Variants in SLC14A2 observed in about 807,000 individuals in gnomAD.
SLC14A2 encodes solute carrier family 14 member 2.
Under a neutral mutation model 104.6 loss-of-function variants are expected in SLC14A2, and 91 were observed. The ratio of observed to expected loss-of-function variants is 0.87; its 90% CI spans 0.73 to 1.04. The LOEUF (loss-of-function observed/expected upper bound fraction) is 1.04. SLC14A2 is among the 50% of genes least tolerant of loss of function. SLC14A2 has a pLI of 0.00. For missense variants in SLC14A2, 1,189 were observed against 1,156.0 expected (o/e 1.03, Z -0.41); for synonymous variants, 476 against 466.4 (o/e 1.02, Z -0.27).
the SLC14A2 span, among the ~76,000 whole-genome samples, chr18:45,183,163 C>A: frequency 6.6e-6 from 1 of 152,136 alleles, no homozygotes. Flanking sequence ...CCCACTGAAC[C>A]AGATTGAGAG....
intron 10 of SLC14A2, among the ~76,000 whole-genome samples, chr18:45,662,858 G>A (rs2045956020): frequency 6.6e-6 from 1 of 152,162 alleles, no homozygotes. Flanking sequence ...AGGATCACCA[G>A]ATTTTCCAAT....
chr18:45,519,699 A>G (rs1417274678), intron 2 of SLC14A2, among the ~76,000 whole-genome samples: 2 of 152,224 alleles, frequency 1.3e-5, no homozygotes, highest in East Asian at 1.9e-4. Flanking sequence ...AAAGGGGCTA[A>G]GCCAAAGATC....
At position 45,414,758 on chromosome 18, in the gene SLC14A2, ATATATATATATATAT is replaced by A. The variant is rs1220905455; in HGVS notation, c.-124-68474_-124-68460del. 3.7e-3 allele frequency among the ~76,000 whole-genome samples: 183 copies of A among 50,080 alleles called. 12 individuals are homozygous for A. The East Asian group carries it at 0.059, about 16-fold the overall frequency. The allele number at this position is 50,080 out of a possible 152,430, so 32.9% of individuals were successfully genotyped here. ...GGCACCGAGCGTAAAAAAAAAAAAA[ATATATATATATATAT>A]ATATATATATATATATATATATAGA... On this transcript the variant is annotated intron_variant, in intron 1 of 20. Coordinates refer to the SLC14A2 transcript ENST00000586448.
At chr18:45,363,164 C>T (rs774254464) in intron 1 of SLC14A2, among the ~76,000 whole-genome samples, 32 of 152,088 alleles carry the variant, frequency 2.1e-4, no homozygotes, top group Non-Finnish European at 3.7e-4. Flanking sequence ...TTGAATAGTC[C>T]CTTTTTATCG....
At chr18:45,618,289 T>C (rs903287096) in intron 1 of SLC14A2, among the ~76,000 whole-genome samples, 1 of 152,212 alleles carries the variant, frequency 6.6e-6, no homozygotes, top group African/African-American at 2.4e-5. Flanking sequence ...AGGCAAAATA[T>C]ATCAATCCAA....
intron 10 of SLC14A2, among the ~76,000 whole-genome samples, chr18:45,654,323 TAGG>T (rs1276651422): frequency 6.6e-6 from 1 of 152,070 alleles, no homozygotes; most frequent in African/African-American, 2.4e-5. Flanking sequence ...GGTTGGTGTT[TAGG>T]AGAAGTCACA....
intron 10 of SLC14A2, chr18:45,646,321 C>T (rs1355889666): frequency 2.0e-5 from 3 of 152,008 alleles, no homozygotes; most frequent in East Asian, 1.9e-4. Flanking sequence ...TCAGGTGGTC[C>T]GATCCCATGA....
Position 45,625,689 on chromosome 18 carries a change from C to A in SLC14A2, c.157C>A (p.Arg53=), listed in dbSNP as rs200534486. The change falls in exon 3 of 20, where the codon CGG becomes AGG. Residue 53 remains arginine, a synonymous_variant. Coordinates refer to ENST00000255226, the MANE Select transcript of SLC14A2 (RefSeq NM_007163.4). The stretch of plus-strand genomic sequence containing the variant: ...GGTTGGTTTCTCCTAAAAGGATCTC[C>A]GGTCTTCCAATGAAGACAGTCACAT... The part of the protein sequence containing the change: ...LLEMPEEKDL[R]SSNEDSHIVK... The A allele has an allele frequency of 1.3e-6, 2 of 1,545,792 alleles. No homozygotes were observed. The highest frequency in any genetic ancestry group is 1.4e-5 in the African/African-American group (1 of 70,712).
At chr18:45,675,500 T>TG (rs1482590701) in intron 18 of SLC14A2, among the ~76,000 whole-genome samples, 1 of 151,444 alleles carries the variant, frequency 6.6e-6, no homozygotes, top group Non-Finnish European at 1.5e-5. Flanking sequence ...AAGTGGAGTT[T>TG]GGGGGGCGTT....
chr18:45,658,315 T>C (rs1413535824), intron 10 of SLC14A2, among the ~76,000 whole-genome samples: 1 of 152,082 alleles, frequency 6.6e-6, no homozygotes, highest in African/African-American at 2.4e-5. Context: ...GTGTGGTAGC[T>C]CACGCCTGTA....
chr18:45,592,975 T>C (rs1261228918), intron 2 of SLC14A2, among the ~76,000 whole-genome samples: 1 of 152,172 alleles, frequency 6.6e-6, no homozygotes, highest in Non-Finnish European at 1.5e-5. Context: ...GAATCTGCGT[T>C]GTCAAACAAC....
intron 1 of SLC14A2, among the ~76,000 whole-genome samples, chr18:45,260,926 C>T (rs2084529334): frequency 6.6e-6 from 1 of 152,104 alleles, no homozygotes. Context: ...ATCCGTACCC[C>T]AAACCTCAGC....
chr18:45,573,165 A>G, intron 2 of SLC14A2, among the ~76,000 whole-genome samples: 1 of 152,212 alleles, frequency 6.6e-6, no homozygotes, highest in East Asian at 1.9e-4. Context: ...AAATTTTAGC[A>G]TGCATCAGAA....
At chr18:45,210,252 G>C (rs1016210011), upstream of SLC14A2, among the ~76,000 whole-genome samples, 6 of 152,270 alleles carry the variant, frequency 3.9e-5, no homozygotes, top group East Asian at 1.2e-3. Flanking sequence ...GATTGAAATG[G>C]AACTTTACTG....
chr18:45,341,595 CTTTTTTTTTTTTTT>C (rs376534367), intron 1 of SLC14A2, among the ~76,000 whole-genome samples: 13 of 83,162 alleles, frequency 1.6e-4, no homozygotes, highest in Non-Finnish European at 2.3e-4. Flanking sequence ...TCTAGTATTA[CTTTTTTTTTTTTTT>C]TTTTTTTTTT....
chr18:45,237,638 T>C (rs111537181), intron 1 of SLC14A2, among the ~76,000 whole-genome samples: 4 of 152,320 alleles, frequency 2.6e-5, no homozygotes, highest in African/African-American at 9.6e-5. Flanking sequence ...TTCATATTGT[T>C]AGGGACAGTT....
At chr18:45,619,604 A>G (rs1300086124) in intron 1 of SLC14A2, among the ~76,000 whole-genome samples, 1 of 151,992 alleles carries the variant, frequency 6.6e-6, no homozygotes, top group Non-Finnish European at 1.5e-5. Flanking sequence ...AGCCAAGGAG[A>G]GTCTGAGTGC....
At chr18:45,599,181 C>A (rs1302983878) in intron 2 of SLC14A2, among the ~76,000 whole-genome samples, 1 of 152,234 alleles carries the variant, frequency 6.6e-6, no homozygotes, top group Non-Finnish European at 1.5e-5. Context: ...CTTTGCACAG[C>A]AGAACTTTCA....
intron 2 of SLC14A2, 111 bp from the exon 3 acceptor site, chr18:45,625,572 G>C: frequency 1.2e-6 from 1 of 823,202 alleles, no homozygotes. Flanking sequence ...TCCACCCTTT[G>C]TCTCATGATC....
Sources: gnomAD v4.1 joint callset for allele counts (sites outside exome capture counted in the v4.1 genomes callset) on GRCh38, gnomAD v4.1.1 for gene constraint, MANE v1.5 for transcripts, NCBI Gene and HGNC (gene_info 2026-07-23, HGNC 2026-07-21) for gene names.